The following RANBP2 variants were observed in gnomAD, a reference collection of about 807,000 sequenced individuals.
The protein encoded by RANBP2 is RAN binding protein 2.
In RANBP2, 57 loss-of-function variants were observed where a neutral mutation model predicts 303.6. The observed-to-expected ratio is 0.19, with a 90% confidence interval of 0.15 to 0.23. The LOEUF is 0.23. RANBP2 is among the 10% of genes least tolerant of loss of function. The pLI, the probability that RANBP2 is intolerant of heterozygous loss-of-function variation, is 1.00. For synonymous variants in RANBP2, 1,167 were observed against 1,301.5 expected (o/e 0.90, Z 2.23); for missense variants, 3,138 against 3,780.8 (o/e 0.83, Z 4.46).
At chr2:109,302,196 T>C in the RANBP2 span, among the ~76,000 whole-genome samples, 2 of 152,328 alleles carry the variant, frequency 1.3e-5, no homozygotes, top group East Asian at 3.9e-4. Context: ...CAGCCAGTGC[T>C]GGGACACATG....
chr2:108,892,979 T>TAATA, the RANBP2 span, among the ~76,000 whole-genome samples: 1 of 152,248 alleles, frequency 6.6e-6, no homozygotes, highest in Non-Finnish European at 1.5e-5. Context: ...GTGCTATTTC[T>TAATA]AATACTACAT....
chr2:109,502,490 A>C, the RANBP2 span: 2 of 152,136 alleles, frequency 1.3e-5, no homozygotes, highest in African/African-American at 4.8e-5. Context: ...CAGAATTTTT[A>C]TATTTCCCAT....
the RANBP2 span, among the ~76,000 whole-genome samples, chr2:109,099,840 C>A: frequency 6.6e-6 from 1 of 151,988 alleles, no homozygotes; most frequent in Non-Finnish European, 1.5e-5. Flanking sequence ...GTTTGTCATC[C>A]TCTTAAGTAC....
the RANBP2 span, among the ~76,000 whole-genome samples, chr2:109,403,777 C>T: frequency 1.1e-4 from 16 of 152,150 alleles, no homozygotes; most frequent in Non-Finnish European, 1.5e-4. Flanking sequence ...CAGAGCCAGA[C>T]GGCCAGGTTG....
chr2:109,281,667 A>G, the RANBP2 span, among the ~76,000 whole-genome samples: 1 of 152,150 alleles, frequency 6.6e-6, no homozygotes, highest in East Asian at 1.9e-4. Context: ...CAGCTGCTGA[A>G]TTCCCCACAG....
At chr2:109,656,378 C>T in the RANBP2 span, among the ~76,000 whole-genome samples, 2 of 152,166 alleles carry the variant, frequency 1.3e-5, no homozygotes, top group South Asian at 4.1e-4. Context: ...TGCTTTGTCA[C>T]CCAGGCTGGA....
chr2:109,618,741 A>C, the RANBP2 span: 18 of 167,050 alleles, frequency 1.1e-4, no homozygotes, highest in Non-Finnish European at 2.5e-4. Context: ...TATGTGGTTA[A>C]AAAACCCAAG....
rs1678568548 is a variant in RANBP2, at chr2:108,785,615, G to T, written c.*1714G>T. Reference sequence around the variant, plus strand: ...ACTTTTCCCGTATTAGTATTCCAAAGATGCTTAAAAGTGGCTTGTGGCATT... The same window carrying T: ...ACTTTTCCCGTATTAGTATTCCAAATATGCTTAAAAGTGGCTTGTGGCATT... On this transcript the variant is annotated 3_prime_UTR_variant, in exon 29 of 29. Coordinates refer to ENST00000283195, the MANE Select transcript of RANBP2 (RefSeq NM_006267.5). 6.6e-6 allele frequency: 1 copy of T among 152,158 alleles called. No homozygotes were observed. Among genetic ancestry groups the T allele is most frequent in the Non-Finnish European group, 1.5e-5 (1 of 68,026 alleles). 9.4% of individuals were successfully genotyped at this position (152,158 alleles called of 1,614,324 possible).
the RANBP2 span, chr2:109,614,649 G>T: frequency 4.8e-6 from 7 of 1,472,246 alleles, no homozygotes; most frequent in South Asian, 9.0e-5. Context: ...CCGCGCCCGC[G>T]CGCACTTCAA....
the RANBP2 span, among the ~76,000 whole-genome samples, chr2:109,139,341 C>T: frequency 6.6e-6 from 1 of 151,872 alleles, no homozygotes; most frequent in Non-Finnish European, 1.5e-5. Context: ...TCATGATGCC[C>T]ATGGGTTAAT....
chr2:109,372,783 T>C, the RANBP2 span, among the ~76,000 whole-genome samples: 1 of 152,198 alleles, frequency 6.6e-6, no homozygotes, highest in Non-Finnish European at 1.5e-5. Flanking sequence ...CTGGGCTCCA[T>C]GTGTCCCCCC....
chr2:109,699,793 C>T, the RANBP2 span, among the ~76,000 whole-genome samples: 4 of 152,276 alleles, frequency 2.6e-5, no homozygotes, highest in East Asian at 5.8e-4. Flanking sequence ...CTCTCAGCTT[C>T]TCGGCTCAGT....
chr2:108,891,962 G>A, the RANBP2 span, among the ~76,000 whole-genome samples: 1 of 152,132 alleles, frequency 6.6e-6, no homozygotes, highest in African/African-American at 2.4e-5. Flanking sequence ...ACAGTTCCCA[G>A]GACCCCAGAA....
At chr2:109,037,475 A>T in the RANBP2 span, among the ~76,000 whole-genome samples, 2 of 152,204 alleles carry the variant, frequency 1.3e-5, no homozygotes, top group African/African-American at 2.4e-5. Context: ...AAGACAAGAA[A>T]GAGAGATAAA....
chr2:109,667,210 A>T, the RANBP2 span: 1 of 1,181,772 alleles, frequency 8.5e-7, no homozygotes, highest in Non-Finnish European at 1.3e-6. Context: ...CCATTTAAGA[A>T]CAAGCCCAAG....
the RANBP2 span, among the ~76,000 whole-genome samples, chr2:109,648,534 G>A: frequency 1.6e-4 from 24 of 152,214 alleles, no homozygotes; most frequent in Admixed American, 3.3e-4. Flanking sequence ...GTAGAGATGG[G>A]GTTTCACTAT....
At chr2:109,495,897 G>C in the RANBP2 span, among the ~76,000 whole-genome samples, 20 of 149,990 alleles carry the variant, frequency 1.3e-4, no homozygotes, top group South Asian at 2.1e-4. Context: ...ACCAGAAAAA[G>C]TATGAGTGCA....
the RANBP2 span, among the ~76,000 whole-genome samples, chr2:109,742,616 C>A: frequency 1.4e-5 from 2 of 146,266 alleles, no homozygotes; most frequent in Admixed American, 1.4e-4. Flanking sequence ...TCTGTAGATC[C>A]AATACAATCC....
chr2:108,732,893 G>A (rs1220830030), intron 4 of RANBP2, among the ~76,000 whole-genome samples: 1 of 152,074 alleles, frequency 6.6e-6, no homozygotes, highest in Non-Finnish European at 1.5e-5. Flanking sequence ...GCGCAATCTT[G>A]GCTCACTGCC....
Sources: gnomAD v4.1 joint callset for allele counts (sites outside exome capture counted in the v4.1 genomes callset) on GRCh38, gnomAD v4.1.1 for gene constraint, MANE v1.5 for transcripts, NCBI Gene and HGNC (gene_info 2026-07-23, HGNC 2026-07-21) for gene names.